BLTP1: variants seen among roughly 807,000 people sequenced by gnomAD.
BLTP1 encodes the protein bridge-like lipid transfer protein family member 1.
chr4:122,332,312 A>G, the BLTP1 span, among the ~76,000 whole-genome samples: 1 of 152,012 alleles, frequency 6.6e-6, no homozygotes, highest in Non-Finnish European at 1.5e-5. Flanking sequence ...TGTCTTACAA[A>G]TGTAGTAGTG....
chr4:122,332,709 C>A, the BLTP1 span, among the ~76,000 whole-genome samples: 1 of 141,770 alleles, frequency 7.1e-6, no homozygotes, highest in Non-Finnish European at 1.5e-5. Context: ...TATACATGTG[C>A]CATGCTGGTG....
the BLTP1 span, chr4:122,263,299 A>AAT: frequency 2.8e-5 from 39 of 1,409,364 alleles, no homozygotes; most frequent in South Asian, 5.9e-4. Context: ...TTAATATCCA[A>AAT]ATACCAACAT....
chr4:122,325,943 T>C, the BLTP1 span: 1 of 790,738 alleles, frequency 1.3e-6, no homozygotes, highest in Non-Finnish European at 1.8e-6. Flanking sequence ...AATATAAATT[T>C]TGCTTTAAAA....
At chr4:122,327,963 T>G in the BLTP1 span, 1 of 576,090 alleles carries the variant, frequency 1.7e-6, no homozygotes, top group East Asian at 3.5e-5. Context: ...CTATTTCATA[T>G]GTTCATGAAT....
At chr4:122,184,114 T>C in the BLTP1 span, among the ~76,000 whole-genome samples, 1 of 152,078 alleles carries the variant, frequency 6.6e-6, no homozygotes, top group Non-Finnish European at 1.5e-5. Context: ...GGGGAAAATA[T>C]GCACCTAAAG....
chr4:122,290,437 A>G, the BLTP1 span, among the ~76,000 whole-genome samples: 4 of 152,258 alleles, frequency 2.6e-5, no homozygotes, highest in East Asian at 5.8e-4. Context: ...TGTTAAGACT[A>G]TATCAAGCTG....
the BLTP1 span, among the ~76,000 whole-genome samples, chr4:122,322,534 C>G: frequency 1.3e-5 from 2 of 152,016 alleles, no homozygotes; most frequent in Non-Finnish European, 2.9e-5. Context: ...CTTGTTCTGT[C>G]TCTTTAGATT....
chr4:122,218,516 G>A, the BLTP1 span, among the ~76,000 whole-genome samples: 1 of 152,128 alleles, frequency 6.6e-6, no homozygotes, highest in African/African-American at 2.4e-5. Context: ...ATTATGTACT[G>A]ATGTCCATAA....
At chr4:122,170,745 G>GT in the BLTP1 span, 2 of 1,580,700 alleles carry the variant, frequency 1.3e-6, no homozygotes, top group Non-Finnish European at 1.7e-6. Context: ...CTCCTTGTTG[G>GT]TAAGTGGAAT....
chr4:122,288,715 T>G, the BLTP1 span: 1 of 500,884 alleles, frequency 2.0e-6, no homozygotes, highest in Non-Finnish European at 2.6e-6. Context: ...ACTTAACTCG[T>G]CTATGATTCT....
At chr4:122,289,740 A>G in the BLTP1 span, 1 of 958,626 alleles carries the variant, frequency 1.0e-6, no homozygotes, top group Non-Finnish European at 1.2e-6. Flanking sequence ...GAATGTTATC[A>G]TGTTAAAAGA....
the BLTP1 span, among the ~76,000 whole-genome samples, chr4:122,260,342 A>G: frequency 5.9e-5 from 9 of 152,354 alleles, no homozygotes; most frequent in East Asian, 1.7e-3. Context: ...TAAACAGAAC[A>G]GTAAGACACA....
At chr4:122,196,475 G>A in the BLTP1 span, 1 of 176,024 alleles carries the variant, frequency 5.7e-6, no homozygotes, top group Non-Finnish European at 1.1e-5. Context: ...AGTAATCAAG[G>A]CTCATTGATC....
chr4:122,356,370 G>GT, the BLTP1 span, among the ~76,000 whole-genome samples: 1 of 152,146 alleles, frequency 6.6e-6, no homozygotes, highest in Non-Finnish European at 1.5e-5. Flanking sequence ...TCTAAAACCA[G>GT]TAAGTATAAT....
the BLTP1 span, among the ~76,000 whole-genome samples, chr4:122,218,881 C>T: frequency 6.6e-6 from 1 of 152,142 alleles, no homozygotes; most frequent in Non-Finnish European, 1.5e-5. Context: ...TTAAAACATG[C>T]CCAATAAATA....
At chr4:122,318,097 C>T in the BLTP1 span, 15 of 1,557,290 alleles carry the variant, frequency 9.6e-6, no homozygotes, top group Non-Finnish European at 1.2e-5. Context: ...AAAAATCAGT[C>T]TTACTTTGTT....
chr4:122,152,963 T>G, the BLTP1 span: 1 of 982,710 alleles, frequency 1.0e-6, no homozygotes. Flanking sequence ...TGCTGCTTAA[T>G]ATAGGGTCGG....
chr4:122,332,789 A>G, the BLTP1 span, among the ~76,000 whole-genome samples: 2 of 63,088 alleles, frequency 3.2e-5, no homozygotes, highest in Non-Finnish European at 6.0e-5. Flanking sequence ...CCCTCCCCCC[A>G]CCCCCCACAG....
At chr4:122,324,407 T>C in the BLTP1 span, 2 of 1,605,776 alleles carry the variant, frequency 1.2e-6, no homozygotes, top group South Asian at 1.1e-5. Flanking sequence ...GTCACCCTTT[T>C]TTCTCTCCCA....
Sources: gnomAD v4.1 joint callset for allele counts (sites outside exome capture counted in the v4.1 genomes callset) on GRCh38, gnomAD v4.1.1 for gene constraint, MANE v1.5 for transcripts, NCBI Gene and HGNC (gene_info 2026-07-23, HGNC 2026-07-21) for gene names.